Variants in TGFBRAP1 observed in about 807,000 individuals in gnomAD.
TGFBRAP1 encodes the protein transforming growth factor beta receptor associated protein 1.
A neutral mutation model predicts 83.2 loss-of-function variants in TGFBRAP1; 20 were observed. The ratio of observed to expected loss-of-function variants is 0.24; its 90% CI spans 0.17 to 0.35. TGFBRAP1 has a LOEUF of 0.35. TGFBRAP1 is among the 10% of genes least tolerant of loss of function. TGFBRAP1 has a pLI of 1.00. For missense variants in TGFBRAP1, 950 were observed against 1,099.4 expected (o/e 0.86, Z 1.92); for synonymous variants, 415 against 459.8 (o/e 0.90, Z 1.25).
chr2:105,255,154 T>C, the TGFBRAP1 span, among the ~76,000 whole-genome samples: 1 of 141,364 alleles, frequency 7.1e-6, no homozygotes, highest in Non-Finnish European at 1.6e-5. Flanking sequence ...ATTTCAGCTG[T>C]CCCAGTGGCC....
At chr2:105,301,034 G>A (rs1321409237) in intron 2 of TGFBRAP1, among the ~76,000 whole-genome samples, 1 of 151,992 alleles carries the variant, frequency 6.6e-6, no homozygotes, top group Non-Finnish European at 1.5e-5. Context: ...GACCAGCCTG[G>A]GCCATGTGGT....
chr2:105,297,520 T>C (rs1156463849), intron 3 of TGFBRAP1, among the ~76,000 whole-genome samples: 1 of 152,210 alleles, frequency 6.6e-6, no homozygotes, highest in African/African-American at 2.4e-5. Context: ...TCTTATCTCC[T>C]ATAAGCATCT....
At chr2:105,280,238 A>G in intron 6 of TGFBRAP1, 144 bp downstream of exon 6, 5 of 799,062 alleles carry the variant, frequency 6.3e-6, no homozygotes, top group South Asian at 3.7e-5. Context: ...TGCTGTCACT[A>G]TGATTTCGTG....
chr2:105,254,277 T>G, the TGFBRAP1 span, among the ~76,000 whole-genome samples: 17,128 of 152,164 alleles, frequency 0.11, 1,203 homozygotes, highest in Middle Eastern at 0.15. Flanking sequence ...TGGGAAAGTC[T>G]TGGAGAGGTC....
chr2:105,313,038 G>C (rs1573213501), intron 1 of TGFBRAP1, among the ~76,000 whole-genome samples: 2 of 152,228 alleles, frequency 1.3e-5, no homozygotes, highest in African/African-American at 4.8e-5. Flanking sequence ...CTTGAACCCG[G>C]GAAGCGGAGG....
At chr2:105,273,737 T>C (rs1321079680) in intron 8 of TGFBRAP1, 47 bp from the exon 9 acceptor site, 6 of 1,592,614 alleles carry the variant, frequency 3.8e-6, no homozygotes, top group Non-Finnish European at 5.1e-6. Context: ...CAAACCCACC[T>C]TTCCTTTAAC....
At chr2:105,282,391 G>T (rs1677569931) in intron 5 of TGFBRAP1, among the ~76,000 whole-genome samples, 1 of 152,218 alleles carries the variant, frequency 6.6e-6, no homozygotes, top group Admixed American at 6.5e-5. Context: ...TGGTAACTGT[G>T]GCCTCCGGCA....
rs1230122643 is a variant in TGFBRAP1 at position 105,280,250 on chromosome 2, CA to C, written c.1463+131del. 5 of 914,750 alleles carry C rather than the reference CA, an allele frequency of 5.5e-6. No homozygotes were observed. In the African/African-American group the frequency reaches 8.4e-5, roughly 15 times the overall value. The allele number at this position is 914,750 out of a possible 1,614,324, so 56.7% of individuals were successfully genotyped here. ...ATCTGCTGTCACTATGATTTCGTGG[CA>C]GTCACCTATAGGTACTTGGGAACAT... On this transcript the variant is annotated intron_variant, in intron 6 of 11. Transcript: ENST00000393359.
At chr2:105,263,409 A>G (rs1676834871), downstream of TGFBRAP1, among the ~76,000 whole-genome samples, 1 of 152,110 alleles carries the variant, frequency 6.6e-6, no homozygotes, top group Non-Finnish European at 1.5e-5. Context: ...AGGTGGGAGG[A>G]CCTGCAGGTG....
chr2:105,262,423 C>T (rs980755707), downstream of TGFBRAP1, among the ~76,000 whole-genome samples: 2 of 152,178 alleles, frequency 1.3e-5, no homozygotes, highest in Admixed American at 6.5e-5. Flanking sequence ...TGGCCTCCCA[C>T]CATGGCTGGA....
intron 1 of TGFBRAP1, among the ~76,000 whole-genome samples, chr2:105,316,485 GCA>G (rs1678880128): frequency 1.2e-5 from 1 of 85,878 alleles, no homozygotes; most frequent in African/African-American, 3.3e-5. Flanking sequence ...GCGCGCACGC[GCA>G]CATAACTCAA....
intron 7 of TGFBRAP1, among the ~76,000 whole-genome samples, chr2:105,275,948 C>CT (rs1022129010): frequency 3.3e-5 from 5 of 151,910 alleles, no homozygotes; most frequent in Non-Finnish European, 7.4e-5. Flanking sequence ...ATCTTTCTTT[C>CT]TTTTTTTAAC....
intron 1 of TGFBRAP1, among the ~76,000 whole-genome samples, chr2:105,318,140 C>A (rs1678943556): frequency 6.6e-6 from 1 of 152,126 alleles, no homozygotes; most frequent in African/African-American, 2.4e-5. Context: ...CTGTTTTGTG[C>A]TTACCAGGGC....
At chr2:105,290,616 AGTGTGTGTGTGTGTGTGTGTGTGTGT>A (rs3060065) in intron 4 of TGFBRAP1, among the ~76,000 whole-genome samples, 1 of 139,986 alleles carries the variant, frequency 7.1e-6, no homozygotes, top group Non-Finnish European at 1.6e-5. Context: ...ACAGAGAGAC[AGTGTGTGTGTGTGTGTGTGTGTGTGT>A]GTGTGTGTGT....
chr2:105,262,648 C>T (rs751577108), downstream of TGFBRAP1, among the ~76,000 whole-genome samples: 9 of 152,212 alleles, frequency 5.9e-5, no homozygotes, highest in East Asian at 1.9e-4. Flanking sequence ...AAGAAGCCCA[C>T]GCTCCCGACA....
At chr2:105,326,874 C>A (rs1255020145) in intron 1 of TGFBRAP1, among the ~76,000 whole-genome samples, 1 of 152,168 alleles carries the variant, frequency 6.6e-6, no homozygotes, top group African/African-American at 2.4e-5. Flanking sequence ...GATTTCAAAT[C>A]ATCTGCAAGA....
rs1047522979 is a variant in TGFBRAP1 at position 105,329,730 on chromosome 2, C to T, written c.-123G>A. 2 of 147,762 alleles carry T rather than the reference C, an allele frequency of 1.4e-5. No individual in the cohort carries two copies. The highest frequency in any genetic ancestry group is 3.8e-4 in the South Asian group (2 of 5,276). 9.2% of individuals were successfully genotyped at this position (147,762 alleles called of 1,614,324 possible). ...GCCCGACCCCGCAGCCGCCGCTTCCCGTCACGTGGGGCGGCCGCCAGGCGC... is the reference window on the plus strand; with the variant it reads ...GCCCGACCCCGCAGCCGCCGCTTCCTGTCACGTGGGGCGGCCGCCAGGCGC... On this transcript the variant is annotated 5_prime_UTR_variant, in exon 1 of 12. Coordinates refer to ENST00000393359, the MANE Select transcript of TGFBRAP1 (RefSeq NM_004257.6).
At chr2:105,301,540 T>A (rs939599028) in intron 2 of TGFBRAP1, among the ~76,000 whole-genome samples, 6 of 152,062 alleles carry the variant, frequency 3.9e-5, no homozygotes, top group African/African-American at 1.4e-4. Context: ...TGAGCCGAGA[T>A]TGTGCCACTG....
chr2:105,295,327 T>C (rs958758471), intron 4 of TGFBRAP1, among the ~76,000 whole-genome samples: 1 of 152,182 alleles, frequency 6.6e-6, no homozygotes, highest in African/African-American at 2.4e-5. Flanking sequence ...TTAAGAACTT[T>C]TTCATTATTA....
Sources: allele counts gnomAD v4.1 joint callset (sites outside exome capture counted in the v4.1 genomes callset), GRCh38; gene constraint gnomAD v4.1.1; transcripts MANE v1.5; gene names NCBI Gene and HGNC (gene_info 2026-07-23, HGNC 2026-07-21).